LRRTM4: variants seen among roughly 807,000 people sequenced by gnomAD.
LRRTM4 encodes the protein leucine-rich repeat transmembrane neuronal protein 4.
LRRTM4 carries 25 observed loss-of-function variants against 47.6 expected under a neutral mutation model. That is an observed-to-expected ratio of 0.53 (90% CI 0.38 to 0.73). The LOEUF (loss-of-function observed/expected upper bound fraction) is 0.73. Among genes scored for constraint, LRRTM4 ranks in the 30% least tolerant of loss-of-function variants. The pLI, the probability that LRRTM4 is intolerant of heterozygous loss-of-function variation, is 0.00. For synonymous variants in LRRTM4, 311 were observed against 269.5 expected (o/e 1.15, Z -1.51); for missense variants, 638 against 713.4 (o/e 0.89, Z 1.20).
At chr2:77,029,219 G>C (rs10189354) in intron 3 of LRRTM4, among the ~76,000 whole-genome samples, 10,285 of 151,684 alleles carry the variant, frequency 0.068, 812 homozygotes, top group African/African-American at 0.18. Context: ...AAAATAATAG[G>C]ATAGATGTAT....
intron 3 of LRRTM4, among the ~76,000 whole-genome samples, chr2:77,338,793 T>G (rs1282070598): frequency 6.6e-6 from 1 of 152,160 alleles, no homozygotes; most frequent in East Asian, 1.9e-4. Context: ...CAAAGACACC[T>G]GCACTCGTAT....
At chr2:77,215,049 T>C (rs984577058) in intron 3 of LRRTM4, among the ~76,000 whole-genome samples, 1 of 152,216 alleles carries the variant, frequency 6.6e-6, no homozygotes, top group Non-Finnish European at 1.5e-5. Context: ...ACTAGCCATA[T>C]ATTCCCAGAT....
chr2:76,750,742 A>C (rs1672823743), intron 3 of LRRTM4, among the ~76,000 whole-genome samples: 1 of 152,172 alleles, frequency 6.6e-6, no homozygotes, highest in Non-Finnish European at 1.5e-5. Context: ...AACTAGCTCT[A>C]GTATTTTCTT....
intron 3 of LRRTM4, among the ~76,000 whole-genome samples, chr2:76,816,499 T>C (rs1364091320): frequency 1.3e-5 from 2 of 152,150 alleles, no homozygotes; most frequent in East Asian, 1.9e-4. Context: ...ACACCTATCA[T>C]TTATGATGGA....
intron 3 of LRRTM4, among the ~76,000 whole-genome samples, chr2:77,074,207 T>G (rs1216380209): frequency 6.6e-6 from 1 of 152,204 alleles, no homozygotes; most frequent in Non-Finnish European, 1.5e-5. Flanking sequence ...CATATCTGCA[T>G]TTATACTTGT....
At chr2:76,884,260 G>C (rs1673009711) in intron 3 of LRRTM4, among the ~76,000 whole-genome samples, 2 of 152,280 alleles carry the variant, frequency 1.3e-5, no homozygotes, top group South Asian at 4.1e-4. Context: ...TAGGGAAGAA[G>C]AAAGAGTCTA....
At chr2:77,026,997 T>C (rs182993937) in intron 3 of LRRTM4, among the ~76,000 whole-genome samples, 8 of 152,232 alleles carry the variant, frequency 5.3e-5, no homozygotes, top group African/African-American at 1.9e-4. Flanking sequence ...GGAACAGAAT[T>C]TGAGTTCCTG....
intron 3 of LRRTM4, among the ~76,000 whole-genome samples, chr2:77,366,967 G>A (rs1454351295): frequency 1.3e-5 from 2 of 151,688 alleles, no homozygotes; most frequent in Non-Finnish European, 2.9e-5. Flanking sequence ...AACTCCTTCT[G>A]AAGATAAACT....
At chr2:76,781,173 A>G (rs940607938) in intron 3 of LRRTM4, among the ~76,000 whole-genome samples, 3 of 152,250 alleles carry the variant, frequency 2.0e-5, no homozygotes, top group Admixed American at 6.5e-5. Context: ...AGACAGGGAC[A>G]TTTAAGTCTG....
intron 3 of LRRTM4, among the ~76,000 whole-genome samples, chr2:76,854,479 G>C (rs1263014289): frequency 1.3e-5 from 2 of 152,028 alleles, no homozygotes; most frequent in Non-Finnish European, 2.9e-5. Flanking sequence ...GAACAAATGG[G>C]ATAAAAAAAC....
intron 3 of LRRTM4, among the ~76,000 whole-genome samples, chr2:77,245,883 G>A (rs983393877): frequency 1.4e-4 from 21 of 152,134 alleles, no homozygotes; most frequent in African/African-American, 4.8e-4. Flanking sequence ...GGGCTATGAA[G>A]CAACATTTGT....
intron 3 of LRRTM4, among the ~76,000 whole-genome samples, chr2:77,328,460 C>T (rs1237981053): frequency 6.6e-6 from 1 of 152,140 alleles, no homozygotes; most frequent in East Asian, 1.9e-4. Flanking sequence ...GTCATGCCCC[C>T]TCCCTTCCTT....
intron 3 of LRRTM4, among the ~76,000 whole-genome samples, chr2:76,775,770 AT>A: frequency 6.6e-6 from 1 of 151,638 alleles, no homozygotes; most frequent in Non-Finnish European, 1.5e-5. Context: ...TTATTTTTTT[AT>A]TATACTTTAA....
chr2:76,998,117 C>T (rs1677268566), intron 3 of LRRTM4, among the ~76,000 whole-genome samples: 1 of 151,940 alleles, frequency 6.6e-6, no homozygotes, highest in East Asian at 1.9e-4. Flanking sequence ...GTAATATGCT[C>T]GAATCATCCT....
intron 3 of LRRTM4, among the ~76,000 whole-genome samples, chr2:76,894,320 T>G (rs1431277431): frequency 1.3e-5 from 2 of 152,064 alleles, no homozygotes; most frequent in East Asian, 3.9e-4. Flanking sequence ...CAACATGGCA[T>G]AGTAGGTCCC....
chr2:77,206,493 G>T (rs1054713808), intron 3 of LRRTM4, among the ~76,000 whole-genome samples: 1 of 151,132 alleles, frequency 6.6e-6, no homozygotes, highest in African/African-American at 2.4e-5. Flanking sequence ...CCTCAAAAAA[G>T]ATTTTTTTTG....
chr2:77,130,541 T>C (rs1200268783), intron 3 of LRRTM4, among the ~76,000 whole-genome samples: 3 of 152,068 alleles, frequency 2.0e-5, no homozygotes, highest in Non-Finnish European at 4.4e-5. Context: ...AGATGGACTC[T>C]CGCTCTGTTG....
At chr2:77,314,475 T>C (rs1052471315) in intron 3 of LRRTM4, among the ~76,000 whole-genome samples, 1 of 152,226 alleles carries the variant, frequency 6.6e-6, no homozygotes, top group African/African-American at 2.4e-5. Context: ...TTTCTAAGAA[T>C]AGGATCTTAT....
intron 3 of LRRTM4, among the ~76,000 whole-genome samples, chr2:77,230,346 C>A (rs1674929491): frequency 6.6e-6 from 1 of 152,044 alleles, no homozygotes; most frequent in African/African-American, 2.4e-5. Context: ...TAAGACACAA[C>A]TGTTCTCCTT....
Sources: allele counts gnomAD v4.1 joint callset (sites outside exome capture counted in the v4.1 genomes callset), GRCh38; gene constraint gnomAD v4.1.1; transcripts MANE v1.5; gene names NCBI Gene and HGNC (gene_info 2026-07-23, HGNC 2026-07-21).